ZMIZ1: variants seen among roughly 807,000 people sequenced by gnomAD.
The protein encoded by ZMIZ1 is zinc finger MIZ domain-containing protein 1.
Under a neutral mutation model 113.9 loss-of-function variants are expected in ZMIZ1, and 17 were observed. The observed-to-expected ratio is 0.15, with a 90% CI of 0.10 to 0.22. The LOEUF (loss-of-function observed/expected upper bound fraction) is 0.22. Among genes scored for constraint, ZMIZ1 ranks in the 10% least tolerant of loss-of-function variants. The probability of loss-of-function intolerance (pLI) is 1.00; values close to 1 mark genes in which losing one functional copy is unlikely to be tolerated. For missense variants in ZMIZ1, 1,059 were observed against 1,477.8 expected, an observed-to-expected ratio of 0.72 and a Z score of 4.65; for synonymous variants, 607 against 603.1, an observed-to-expected ratio of 1.01 and a Z score of -0.09.
intron 7 of ZMIZ1, among the ~76,000 whole-genome samples, chr10:79,265,759 A>C (rs1346372149): frequency 6.6e-6 from 1 of 152,142 alleles, no homozygotes; most frequent in African/African-American, 2.4e-5. Context: ...CTAGCCCCTC[A>C]GCAGCCCCAG....
intron 3 of ZMIZ1, among the ~76,000 whole-genome samples, chr10:79,143,268 C>T (rs1011685268): frequency 1.3e-5 from 2 of 152,134 alleles, no homozygotes; most frequent in African/African-American, 4.8e-5. Flanking sequence ...TTGCCACCCA[C>T]CAGTAGTATG....
intron 7 of ZMIZ1, among the ~76,000 whole-genome samples, chr10:79,262,282 C>T (rs1233397021): frequency 1.3e-5 from 2 of 152,234 alleles, no homozygotes; most frequent in African/African-American, 4.8e-5. Flanking sequence ...GTTGGCTCCA[C>T]CCCAGACCCA....
At chr10:79,164,041 A>G (rs1846217554) in intron 4 of ZMIZ1, among the ~76,000 whole-genome samples, 1 of 152,234 alleles carries the variant, frequency 6.6e-6, no homozygotes, top group Non-Finnish European at 1.5e-5. Flanking sequence ...AGAAAAAAAA[A>G]ATGAGGAAGA....
intron 4 of ZMIZ1, among the ~76,000 whole-genome samples, chr10:79,172,705 A>T (rs1343072548): frequency 1.3e-5 from 2 of 152,210 alleles, no homozygotes; most frequent in East Asian, 3.9e-4. Context: ...CATATGGAGC[A>T]TGAGGGCCAC....
intron 1 of ZMIZ1, among the ~76,000 whole-genome samples, chr10:79,113,169 C>T (rs981427573): frequency 2.0e-5 from 3 of 152,222 alleles, no homozygotes; most frequent in Non-Finnish European, 2.9e-5. Flanking sequence ...CCCCATGCAG[C>T]GAGGCTGGGT....
At chr10:79,242,552 C>T (rs1849893890) in intron 7 of ZMIZ1, among the ~76,000 whole-genome samples, 2 of 150,324 alleles carry the variant, frequency 1.3e-5, no homozygotes, top group Admixed American at 6.6e-5. Flanking sequence ...CTCCCCTCCC[C>T]TCCCCTCCCC....
intron 7 of ZMIZ1, among the ~76,000 whole-genome samples, chr10:79,261,186 C>G (rs537972173): frequency 3.3e-5 from 5 of 152,204 alleles, no homozygotes; most frequent in Admixed American, 3.3e-4. Flanking sequence ...GCCGGGTGGT[C>G]GGGTTTTTGA....
chr10:79,153,561 C>G (rs1845786926), intron 3 of ZMIZ1, among the ~76,000 whole-genome samples: 1 of 152,260 alleles, frequency 6.6e-6, no homozygotes, highest in African/African-American at 2.4e-5. Flanking sequence ...CTGCAGACCA[C>G]CACTGGCTGT....
intron 16 of ZMIZ1, 27 bp from the exon 17 acceptor site, chr10:79,300,705 C>T (rs1854238514): frequency 1.2e-6 from 2 of 1,607,982 alleles, no homozygotes; most frequent in Non-Finnish European, 1.7e-6. Flanking sequence ...GGCAGAGCTG[C>T]CCTGAGCACC....
At chr10:79,241,952 A>G (rs1849852762) in intron 7 of ZMIZ1, among the ~76,000 whole-genome samples, 1 of 152,154 alleles carries the variant, frequency 6.6e-6, no homozygotes, top group Non-Finnish European at 1.5e-5. Context: ...TTGGGGATGA[A>G]TGATGGGGAC....
At chr10:79,091,173 T>G (rs578200365) in intron 1 of ZMIZ1, among the ~76,000 whole-genome samples, 1 of 152,242 alleles carries the variant, frequency 6.6e-6, no homozygotes, top group Non-Finnish European at 1.5e-5. Context: ...ACAGCCCTCT[T>G]TGCTTTCCCT....
At chr10:79,187,315 T>C (rs2132596384) in intron 4 of ZMIZ1, among the ~76,000 whole-genome samples, 1 of 152,316 alleles carries the variant, frequency 6.6e-6, no homozygotes, top group African/African-American at 2.4e-5. Flanking sequence ...CGGCGGACAC[T>C]GCCAGTATAG....
At chr10:79,216,755 C>T (rs1476832827) in intron 7 of ZMIZ1, among the ~76,000 whole-genome samples, 1 of 152,196 alleles carries the variant, frequency 6.6e-6, no homozygotes, top group South Asian at 2.1e-4. Flanking sequence ...TACTCCACTA[C>T]GTTCATTCAT....
chr10:79,245,983 G>T (rs1215256334), intron 7 of ZMIZ1, among the ~76,000 whole-genome samples: 1 of 152,228 alleles, frequency 6.6e-6, no homozygotes, highest in Non-Finnish European at 1.5e-5. Flanking sequence ...CAGAGGTGCA[G>T]TGAGGACACT....
intron 3 of ZMIZ1, among the ~76,000 whole-genome samples, chr10:79,156,927 G>T (rs1845923531): frequency 6.6e-6 from 1 of 152,174 alleles, no homozygotes; most frequent in Admixed American, 6.5e-5. Flanking sequence ...TGTCCTTATG[G>T]GCCTCGAGGC....
rs1001220645 is a variant in ZMIZ1 at position 79,088,064 on chromosome 10, C to T, written c.-337+18794C>T. ...GTGGCTACCCTTTCCCAGAGCTGGT[C>T]GGCTTTGTGATGTGGACCATGTGCA... On this transcript the variant is annotated intron_variant, in intron 1 of 24. Transcript: ENST00000334512. 9.2e-5 allele frequency among the ~76,000 whole-genome samples: 14 copies of T among 152,334 alleles called. No individual in the cohort carries two copies. In the Middle Eastern group the frequency reaches 0.01, roughly 111 times the overall value.
chr10:79,312,831 G>GC lies in ZMIZ1; in HGVS notation c.*85dup, dbSNP rs1433145258. ...CACACTTTTCCACCTGGGAGCCTGT[G>GC]CCCTCAGACCGCCCCGCACCAGAGC... On this transcript the variant is annotated 3_prime_UTR_variant, in exon 25 of 25. Coordinates refer to ENST00000334512, the MANE Select transcript of ZMIZ1 (RefSeq NM_020338.4). The GC allele has an allele frequency of 1.4e-6, 2 of 1,392,928 alleles. No homozygotes were observed. Among genetic ancestry groups the GC allele is most frequent in the Non-Finnish European group, 2.0e-6 (2 of 988,508 alleles). The allele number at this position is 1,392,928 out of a possible 1,614,324, so 86.3% of individuals were successfully genotyped here.
intron 3 of ZMIZ1, among the ~76,000 whole-genome samples, chr10:79,157,779 T>C (rs941913700): frequency 6.6e-6 from 1 of 152,124 alleles, no homozygotes; most frequent in Admixed American, 6.5e-5. Context: ...GGGGTAAATA[T>C]TTGCCTTGCT....
intron 7 of ZMIZ1, among the ~76,000 whole-genome samples, chr10:79,230,952 G>A (rs1056848545): frequency 2.6e-5 from 4 of 152,258 alleles, no homozygotes; most frequent in Admixed American, 6.5e-5. Flanking sequence ...AAGGCCCAGG[G>A]TGTGGACCCC....
Sources: allele counts gnomAD v4.1 joint callset (sites outside exome capture counted in the v4.1 genomes callset), GRCh38; gene constraint gnomAD v4.1.1; transcripts MANE v1.5; gene names NCBI Gene and HGNC (gene_info 2026-07-23, HGNC 2026-07-21).